RPTOR: variants seen among roughly 807,000 people sequenced by gnomAD.
RPTOR encodes the protein regulatory associated protein of MTOR complex 1.
RPTOR carries 21 observed loss-of-function variants against 169.9 expected under a neutral mutation model. The ratio of observed to expected loss-of-function variants is 0.12; its 90% CI spans 0.09 to 0.18. RPTOR has a LOEUF of 0.18. Among genes scored for constraint, RPTOR ranks in the 10% least tolerant of loss-of-function variants. The probability of loss-of-function intolerance (pLI) is 1.00; values close to 1 mark genes in which losing one functional copy is unlikely to be tolerated. For missense variants in RPTOR, 1,133 were observed against 1,855.9 expected (o/e 0.61, Z 7.16); for synonymous variants, 732 against 753.2 (o/e 0.97, Z 0.46).
intron 1 of RPTOR, among the ~76,000 whole-genome samples, chr17:80,586,869 T>A (rs1821029628): frequency 9.9e-6 from 1 of 100,898 alleles, no homozygotes; most frequent in Admixed American, 1.0e-4. Flanking sequence ...CCATGTGTGA[T>A]AGCTGTTCCT....
intron 1 of RPTOR, among the ~76,000 whole-genome samples, chr17:80,577,318 C>T (rs2064973163): frequency 6.6e-6 from 1 of 152,146 alleles, no homozygotes; most frequent in Non-Finnish European, 1.5e-5. Flanking sequence ...GCATGAGCCA[C>T]CACACCCGGC....
chr17:80,627,932 G>A lies in RPTOR; in HGVS notation c.265+2139G>A, dbSNP rs369825720. Among the ~76,000 whole-genome samples, 5 of 151,222 alleles carry A rather than the reference G, an allele frequency of 3.3e-5. No individual in the cohort carries two copies. The East Asian group carries it at 5.8e-4, about 18-fold the overall frequency. On this transcript the variant is annotated intron_variant, in intron 2 of 33. Transcript: ENST00000306801. The stretch of plus-strand genomic sequence containing the variant: ...TGGCTCACCACAACCTCTGCCTCCC[G>A]GGTTCAAGCGATTCTCCTGCCTCAG...
At chr17:80,788,227 C>A (rs1299135312) in intron 6 of RPTOR, among the ~76,000 whole-genome samples, 2 of 152,158 alleles carry the variant, frequency 1.3e-5, no homozygotes, top group Non-Finnish European at 2.9e-5. Context: ...AATCCCAGCA[C>A]TTTGGGAGGC....
intron 6 of RPTOR, among the ~76,000 whole-genome samples, chr17:80,779,583 C>A (rs1327808702): frequency 1.3e-5 from 2 of 152,122 alleles, no homozygotes; most frequent in Non-Finnish European, 2.9e-5. Context: ...AGGCACTGCC[C>A]CTCCGACACA....
chr17:80,552,744 A>C (rs1218540931), intron 1 of RPTOR, among the ~76,000 whole-genome samples: 2 of 152,270 alleles, frequency 1.3e-5, no homozygotes, highest in Non-Finnish European at 2.9e-5. Flanking sequence ...GGCTTACCTA[A>C]AGTTACATAA....
At chr17:80,928,577 A>C (rs2068839302) in intron 24 of RPTOR, among the ~76,000 whole-genome samples, 1 of 152,250 alleles carries the variant, frequency 6.6e-6, no homozygotes, top group African/African-American at 2.4e-5. Flanking sequence ...AGCGTCTGCT[A>C]ACGTTTTTAT....
At chr17:80,854,328 T>C (rs1183018005) in intron 11 of RPTOR, among the ~76,000 whole-genome samples, 2 of 152,358 alleles carry the variant, frequency 1.3e-5, no homozygotes, top group Admixed American at 6.5e-5. Flanking sequence ...ATATGTGTTT[T>C]ATGAATTAAT....
chr17:80,778,025 G>A (rs1480028168), intron 6 of RPTOR, among the ~76,000 whole-genome samples: 1 of 152,178 alleles, frequency 6.6e-6, no homozygotes, highest in Non-Finnish European at 1.5e-5. Context: ...AATGGGAAAA[G>A]ACAAAACCTA....
At chr17:80,794,155 C>CTA (rs2067077732) in intron 7 of RPTOR, among the ~76,000 whole-genome samples, 1 of 152,114 alleles carries the variant, frequency 6.6e-6, no homozygotes, top group African/African-American at 2.4e-5. Context: ...AAAAGACAAG[C>CTA]TATAGACTCG....
At chr17:80,920,784 G>A (rs946725890) in intron 21 of RPTOR, among the ~76,000 whole-genome samples, 5 of 152,208 alleles carry the variant, frequency 3.3e-5, no homozygotes, top group East Asian at 1.9e-4. Flanking sequence ...TGTCTTCCCC[G>A]TCACCTCCCA....
chr17:80,624,712 G>T (rs1445989873), intron 1 of RPTOR, among the ~76,000 whole-genome samples: 1 of 152,200 alleles, frequency 6.6e-6, no homozygotes, highest in Admixed American at 6.5e-5. Flanking sequence ...TCTTTATCTT[G>T]TATCATATAC....
chr17:80,756,575 A>T (rs984857099), intron 6 of RPTOR, among the ~76,000 whole-genome samples: 1 of 152,232 alleles, frequency 6.6e-6, no homozygotes, highest in African/African-American at 2.4e-5. Context: ...CAGCAAGGAT[A>T]CCAATGTAAC....
rs1334470951 is a variant in RPTOR, at chr17:80,746,664, G to C, written c.655-7346G>C. 6.6e-6 allele frequency among the ~76,000 whole-genome samples: 1 copy of C among 152,076 alleles called. No homozygotes were observed. The highest frequency in any genetic ancestry group is 1.5e-5 in the Non-Finnish European group (1 of 68,012). On this transcript the variant is annotated intron_variant, in intron 5 of 33. Coordinates refer to ENST00000306801, the MANE Select transcript of RPTOR (RefSeq NM_020761.3). The surrounding 1 kb of genome is among the most constrained non-coding windows in gnomAD (Gnocchi z 4.5). ...TGCTGTTTGGGAAAACCATGGCTCT[G>C]GGCTGGAATTGGTCACTTTTAGGCC...
At chr17:80,948,260 C>T (rs549907453) in intron 27 of RPTOR, among the ~76,000 whole-genome samples, 9 of 152,356 alleles carry the variant, frequency 5.9e-5, no homozygotes, top group South Asian at 4.1e-4. Context: ...CCTCTCAACG[C>T]GGTTGCGGGC....
At chr17:80,743,269 A>G in intron 5 of RPTOR, 1 of 985,528 alleles carries the variant, frequency 1.0e-6, no homozygotes, top group Non-Finnish European at 1.2e-6. Context: ...GCTGATGATG[A>G]ACAAAATGTT....
intron 1 of RPTOR, among the ~76,000 whole-genome samples, chr17:80,575,673 C>T (rs1049055199): frequency 1.3e-5 from 2 of 152,218 alleles, no homozygotes; most frequent in African/African-American, 4.8e-5. Context: ...TACTTGAACA[C>T]GATGCGTGTC....
chr17:80,700,598 A>G (rs1489775647), intron 3 of RPTOR, among the ~76,000 whole-genome samples: 7 of 133,466 alleles, frequency 5.2e-5, no homozygotes, highest in Admixed American at 1.5e-4. Context: ...AGTGGTGGTG[A>G]TGGTGATGAT....
intron 1 of RPTOR, among the ~76,000 whole-genome samples, chr17:80,549,413 G>T (rs992942727): frequency 6.6e-6 from 1 of 152,084 alleles, no homozygotes; most frequent in Admixed American, 6.5e-5. Context: ...GGGTTCAAGC[G>T]ATTCTCCTGC....
rs746953724 is a variant in RPTOR at position 80,923,644 on chromosome 17, C to T, written c.2779C>T (p.Arg927Trp). Reference sequence around the variant, plus strand: ...TCACTCCCACCAGTTCCCCCGGACACGGAAGATGTTCGACAAGGGCCCAGA... The same window carrying T: ...TCACTCCCACCAGTTCCCCCGGACATGGAAGATGTTCGACAAGGGCCCAGA... ...TPHSHQFPRT[R>W]KMFDKGPEQT... Residue 927 changes from arginine (R) to tryptophan (W), a missense_variant, in exon 23 of 34, where the codon CGG (arginine) becomes TGG (tryptophan). Around this residue, in one of 9 missense-constraint regions of RPTOR, gnomAD observed 410 missense variants for 623.7 expected, o/e 0.66. Coordinates refer to ENST00000306801, the MANE Select transcript of RPTOR (RefSeq NM_020761.3). 1 of 1,607,228 alleles carries T rather than the reference C, an allele frequency of 6.2e-7. No individual in the cohort carries two copies.
Sources: gnomAD v4.1 joint callset for allele counts (sites outside exome capture counted in the v4.1 genomes callset) on GRCh38, gnomAD v4.1.1 for gene constraint, gnomAD v4.1.1 regional missense constraint, Gnocchi (gnomAD v3.1) non-coding constraint, MANE v1.5 for transcripts, NCBI Gene and HGNC (gene_info 2026-07-23, HGNC 2026-07-21) for gene names.